Variants in NDRG2 observed in about 807,000 individuals in gnomAD.
The protein encoded by NDRG2 is NDRG family member 2.
A neutral mutation model predicts 58.2 loss-of-function variants in NDRG2; 34 were observed. The observed-to-expected ratio is 0.58, with a 90% CI of 0.44 to 0.78. NDRG2 has a LOEUF of 0.78. Among genes scored for constraint, NDRG2 ranks in the 30% least tolerant of loss-of-function variants. NDRG2 has a pLI of 0.00. For synonymous variants in NDRG2, 187 were observed against 175.9 expected (o/e 1.06, Z -0.50); for missense variants, 434 against 471.2 (o/e 0.92, Z 0.73).
intron 1 of NDRG2, chr14:21,032,906 C>T: frequency 6.6e-6 from 3 of 455,278 alleles, no homozygotes; most frequent in African/African-American, 2.0e-5. Context: ...GTGCCCTTCA[C>T]CCAGTTTCCC....
intron 1 of NDRG2, among the ~76,000 whole-genome samples, chr14:21,055,988 G>C (rs984593375): frequency 1.9e-4 from 29 of 152,242 alleles, no homozygotes; most frequent in African/African-American, 6.7e-4. Flanking sequence ...AGTGCACGAA[G>C]GGATCCCTGC....
At chr14:21,021,428 CCGCA>C in intron 6 of NDRG2, 1 of 313,448 alleles carries the variant, frequency 3.2e-6, no homozygotes, top group Non-Finnish European at 6.2e-6. Context: ...TCTCTCTCAC[CCGCA>C]GAGCTCCCCA....
At chr14:21,030,575 G>C, upstream of NDRG2, 1 of 1,612,754 alleles carries the variant, frequency 6.2e-7, no homozygotes, top group East Asian at 2.2e-5. Flanking sequence ...CCGACCTCTA[G>C]CTGACCATGG....
upstream of NDRG2, among the ~76,000 whole-genome samples, chr14:21,029,777 A>G (rs1883934390): frequency 6.6e-6 from 1 of 152,204 alleles, no homozygotes; most frequent in Admixed American, 6.5e-5. Flanking sequence ...GTGAGGACAC[A>G]GCAAGAAGGT....
intron 1 of NDRG2, chr14:21,042,892 G>T: frequency 1.0e-6 from 1 of 958,774 alleles, no homozygotes; most frequent in South Asian, 1.7e-5. Context: ...GGAGATGGGT[G>T]ACTAGCTCAT....
intron 1 of NDRG2, among the ~76,000 whole-genome samples, chr14:21,055,458 G>A (rs1244257107): frequency 1.3e-5 from 2 of 152,252 alleles, no homozygotes; most frequent in East Asian, 3.9e-4. Context: ...TCTAAGCACT[G>A]AGCCTCAAGT....
At position 21,024,368 on chromosome 14, in the gene NDRG2, C is replaced by A; in HGVS notation, c.-345G>T. ...AGGTAAGAGGGTGGCCCTGTCAGAACCTCCGGATTCGAATCCCGGCTCTGC... is the reference window on the plus strand; with the variant it reads ...AGGTAAGAGGGTGGCCCTGTCAGAAACTCCGGATTCGAATCCCGGCTCTGC... On this transcript the variant is annotated 5_prime_UTR_variant, in exon 1 of 16. Coordinates refer to ENST00000556147, the MANE Select transcript of NDRG2 (RefSeq NM_001320329.2). 1.1e-6 allele frequency: 1 copy of A among 951,040 alleles called. No homozygotes were observed. The highest frequency in any genetic ancestry group is 1.8e-5 in the African/African-American group (1 of 56,594). The allele number at this position is 951,040 out of a possible 1,614,324, so 58.9% of individuals were successfully genotyped here.
At position 21,070,241 on chromosome 14, in the gene NDRG2, G is replaced by A. The variant is rs1367369781; in HGVS notation, c.24+587C>T. 4 of 738,646 alleles carry A rather than the reference G, an allele frequency of 5.4e-6. No individual in the cohort carries two copies. Among genetic ancestry groups the A allele is most frequent in the African/African-American group, 3.7e-5 (2 of 53,844 alleles). The allele number at this position is 738,646 out of a possible 1,614,324, so 45.8% of individuals were successfully genotyped here. ...GGCCGTCTCGGCCCTCCCTGGCGGG[G>A]CCCCGCGGCCTGGAAGCCGGAGCGG... On this transcript the variant is annotated intron_variant, in intron 1 of 14. Coordinates refer to the NDRG2 transcript ENST00000403829. The surrounding 1 kb of genome is among the most constrained non-coding windows in gnomAD (Gnocchi z 4.7).
At chr14:21,036,260 CTT>C in intron 1 of NDRG2, 1 of 456,348 alleles carries the variant, frequency 2.2e-6, no homozygotes, top group Non-Finnish European at 4.4e-6. Flanking sequence ...AAATATATCT[CTT>C]ATACAACTTC....
intron 1 of NDRG2, 45 bp from the exon 2 acceptor site, chr14:21,023,366 C>G: frequency 6.5e-7 from 1 of 1,532,572 alleles, no homozygotes; most frequent in Non-Finnish European, 9.0e-7. Context: ...CTCTACATCC[C>G]CACATCGCCT....
chr14:21,032,683 C>T (rs1300723560), intron 1 of NDRG2: 1 of 347,412 alleles, frequency 2.9e-6, no homozygotes, highest in Non-Finnish European at 5.6e-6. Context: ...CATCATGGGG[C>T]ACATGGGACA....
chr14:21,021,298 GA>G, intron 6 of NDRG2: 1 of 361,750 alleles, frequency 2.8e-6, no homozygotes, highest in South Asian at 2.1e-5. Context: ...GCAAAGTGGT[GA>G]ACCAGAGCTG....
intron 1 of NDRG2, among the ~76,000 whole-genome samples, chr14:21,050,121 C>T (rs1370424699): frequency 6.6e-6 from 1 of 152,140 alleles, no homozygotes; most frequent in Non-Finnish European, 1.5e-5. Flanking sequence ...AATCAATCTG[C>T]AAATGGGCAG....
intron 4 of NDRG2, 37 bp from the exon 5 acceptor site, chr14:21,022,219 G>A: frequency 6.2e-7 from 1 of 1,613,956 alleles, no homozygotes; most frequent in Non-Finnish European, 8.5e-7. Flanking sequence ...AATAGAATCA[G>A]ACAGGGACTC....
intron 1 of NDRG2, among the ~76,000 whole-genome samples, chr14:21,031,509 C>T (rs1884139217): frequency 6.6e-6 from 1 of 152,194 alleles, no homozygotes; most frequent in African/African-American, 2.4e-5. Flanking sequence ...AATCTCAGGC[C>T]TCCTGCCTCT....
rs1879763086 is a variant in NDRG2 at position 21,020,832 on chromosome 14, T to C, written c.420A>G (p.Ile140Met). The change falls in exon 7 of 16, where the codon ATA becomes ATG. Residue 140 changes from isoleucine to methionine, a missense_variant. Physicochemically the swap from Ile to Met is conservative, Grantham distance 10. Coordinates refer to ENST00000556147, the MANE Select transcript of NDRG2 (RefSeq NM_001320329.2). ...CTCCAGCTCCAACACCAACTCCAAT[T>C]ATTGTAGAGAAACTGTGAAAGGGAA... is the stretch of plus-strand genomic sequence containing the variant. ...CVLQYLNFST[I>M]IGVGVGAGAY... 1.2e-6 allele frequency: 2 copies of C among 1,613,194 alleles called. No individual in the cohort carries two copies. Among genetic ancestry groups the C allele is most frequent in the South Asian group, 2.2e-5 (2 of 90,878 alleles).
At chr14:21,034,663 T>G in intron 1 of NDRG2, 3 of 199,560 alleles carry the variant, frequency 1.5e-5, no homozygotes, top group East Asian at 1.2e-4. Flanking sequence ...GACCTGACAA[T>G]TCTCTGGCAG....
Position 21,019,676 on chromosome 14 carries a change from G to C in NDRG2, c.679C>G (p.Leu227Val). The change falls in exon 10 of 16, where the codon CTG (leucine) becomes GTG (valine). Residue 227 changes from leucine to valine, a missense_variant. Coordinates refer to ENST00000556147, the MANE Select transcript of NDRG2 (RefSeq NM_001320329.2). ...TTCCAGTACAATTCAATGTTATCCA[G>C]GTTGGGTGCATGTGTAATGATATTT... ...YRNIITHAPN[L>V]DNIELYWNSY... 2 of 1,613,744 alleles carry C rather than the reference G, an allele frequency of 1.2e-6. No homozygotes were observed. The highest frequency in any genetic ancestry group is 2.2e-5 in the South Asian group (2 of 91,046).
chr14:21,052,474 G>A (rs988526835), intron 1 of NDRG2, among the ~76,000 whole-genome samples: 2 of 152,230 alleles, frequency 1.3e-5, no homozygotes, highest in African/African-American at 2.4e-5. Flanking sequence ...CTAAAGGATG[G>A]ATAATATTTG....
Sources: allele counts gnomAD v4.1 joint callset (sites outside exome capture counted in the v4.1 genomes callset), GRCh38; gene constraint gnomAD v4.1.1; non-coding constraint Gnocchi (gnomAD v3.1); transcripts MANE v1.5; gene names NCBI Gene and HGNC (gene_info 2026-07-23, HGNC 2026-07-21).